Variants in RBBP7 observed in about 807,000 individuals in gnomAD.
RBBP7 encodes histone-binding protein RBBP7.
RBBP7 carries 5 observed loss-of-function variants against 35.2 expected under a neutral mutation model. That is an observed-to-expected ratio of 0.14 (90% confidence interval 0.07 to 0.30). The LOEUF is 0.30. Among genes scored for constraint, RBBP7 ranks in the 10% least tolerant of loss-of-function variants. RBBP7 has a pLI of 1.00. For missense variants in RBBP7, 155 were observed against 327.5 expected (o/e 0.47, Z 4.07); for synonymous variants, 140 against 118.7 (o/e 1.18, Z -1.17).
intron 2 of RBBP7, among the ~76,000 whole-genome samples, chrX:16,868,326 T>C (rs1930676978): frequency 8.9e-6 from 1 of 112,532 alleles, no homozygotes; most frequent in South Asian, 3.6e-4. Context: ...GGCAGTCTAA[T>C]GCAGGGACCA....
At chrX:16,854,333 G>C (rs1168265341) in intron 5 of RBBP7, among the ~76,000 whole-genome samples, 1 of 111,523 alleles carries the variant, frequency 9.0e-6, no homozygotes, top group Non-Finnish European at 1.9e-5. Flanking sequence ...GAGGTGCAGA[G>C]GAAAAGGACA....
chrX:16,849,187 GATCA>G, intron 10 of RBBP7, 53 bp downstream of exon 10: 1 of 1,100,152 alleles, frequency 9.1e-7, no homozygotes, highest in Non-Finnish European at 1.2e-6. Flanking sequence ...GAAATAAAGA[GATCA>G]ATGACAATCC....
intron 2 of RBBP7, among the ~76,000 whole-genome samples, chrX:16,866,158 G>C (rs1320696855): frequency 9.0e-6 from 1 of 111,499 alleles, no homozygotes; most frequent in African/African-American, 3.3e-5. Flanking sequence ...CAATAAGTTA[G>C]TCTCAATATA....
Position 16,854,349 on chromosome X carries a change from C to T in RBBP7, c.598-507G>A, listed in dbSNP as rs190611273. On this transcript the variant is annotated intron_variant, in intron 5 of 11. Coordinates refer to ENST00000380087, the MANE Select transcript of RBBP7 (RefSeq NM_002893.4). ...AGGTGCAGAGGAAAAGGACACTCCA[C>T]TGTAATGAGGGGGAGGGGAGACTGA... 1.1e-3 allele frequency among the ~76,000 whole-genome samples: 124 copies of T among 111,115 alleles called. 1 individual carries two copies. The highest frequency in any genetic ancestry group is 4.1e-3 in the African/African-American group (124 of 30,530).
At chrX:16,864,699 G>A (rs1267075733) in intron 2 of RBBP7, among the ~76,000 whole-genome samples, 3 of 108,861 alleles carry the variant, frequency 2.8e-5, no homozygotes, top group East Asian at 2.9e-4. Flanking sequence ...CCCCACCCCC[G>A]ACCTTTTCTT....
At position 16,869,343 on chromosome X, in the gene RBBP7, G is replaced by A. The variant is rs1314903475; in HGVS notation, c.17-123C>T. On this transcript the variant is annotated intron_variant, in intron 1 of 11. Coordinates refer to ENST00000380087, the MANE Select transcript of RBBP7 (RefSeq NM_002893.4). ...TCCTTTTACCTCTAATTTGGACACG[G>A]ACAACTAACTGCTCTTCCAGAAGGT... 26 of 1,059,204 alleles carry A rather than the reference G, an allele frequency of 2.5e-5. No homozygotes were observed. In the African/African-American group the frequency reaches 3.8e-4, roughly 15 times the overall value. The allele number at this position is 1,059,204 out of a possible 1,213,427, so 87.3% of individuals were successfully genotyped here.
At chrX:16,854,666 A>C (rs1930301611) in intron 5 of RBBP7, among the ~76,000 whole-genome samples, 1 of 110,136 alleles carries the variant, frequency 9.1e-6, no homozygotes, top group Non-Finnish European at 1.9e-5. Flanking sequence ...CTGGGCCAGA[A>C]ACCTCTACTA....
Position 16,858,698 on chromosome X carries a change from A to G in RBBP7, c.459T>C (p.Tyr153=). The change falls in exon 4 of 12, where the codon TAT becomes TAC. Residue 153 remains tyrosine, a synonymous_variant. Coordinates refer to ENST00000380087, the MANE Select transcript of RBBP7 (RefSeq NM_002893.4). ...TACCTGGTTTAGCAGGGTGTTTTGTATAGTCAAAAACCAACACATCAGAAG... is the reference window on the plus strand; with the variant it reads ...TACCTGGTTTAGCAGGGTGTTTTGTGTAGTCAAAAACCAACACATCAGAAG... ...TPSSDVLVFD[Y]TKHPAKPDPS... 5.0e-6 allele frequency: 6 copies of G among 1,211,683 alleles called. No individual in the cohort carries two copies. The highest frequency in any genetic ancestry group is 5.6e-6 in the Non-Finnish European group (5 of 895,396).
intron 9 of RBBP7, 108 bp from the exon 10 acceptor site, chrX:16,849,409 AC>A (rs1294247183): frequency 3.0e-5 from 20 of 668,263 alleles, no homozygotes; most frequent in Non-Finnish European, 3.8e-5. Flanking sequence ...AAACACACTC[AC>A]AAAAACAACT....
At position 16,852,583 on chromosome X, in the gene RBBP7, T is replaced by C. The variant is rs758300926; in HGVS notation, c.931A>G (p.Thr311Ala). 1 of 1,209,483 alleles carries C rather than the reference T, an allele frequency of 8.3e-7. No homozygotes were observed. The highest frequency in any genetic ancestry group is 1.8e-5 in the African/African-American group (1 of 57,023). The change falls in exon 8 of 12, where the codon ACC (threonine) becomes GCC (alanine). Residue 311 changes from threonine (T) to alanine (A), a missense_variant. This residue lies in a region of RBBP7 where 79 missense variants were observed against 220.8 expected (regional missense o/e 0.36). Transcript: ENST00000380087. ...ATTTCATCTTTATGAGATTCGAAGG[T>C]ATGGAGTTTTAATTTTAAGTTACGC... is the stretch of plus-strand genomic sequence containing the variant. ...DLRNLKLKLH[T>A]FESHKDEIFQ... is the part of the protein sequence containing the mutation.
intron 5 of RBBP7, among the ~76,000 whole-genome samples, chrX:16,855,811 A>T (rs1399655775): frequency 9.2e-6 from 1 of 108,647 alleles, no homozygotes; most frequent in African/African-American, 3.4e-5. Context: ...AGTTTGGGCA[A>T]TACGGCAAAA....
intron 1 of RBBP7, chrX:16,869,529 G>C: frequency 8.6e-7 from 1 of 1,166,964 alleles, no homozygotes; most frequent in Non-Finnish European, 1.1e-6. Flanking sequence ...TACAGGGGCT[G>C]CGCGACCCAG....
intron 2 of RBBP7, 109 bp from the exon 3 acceptor site, chrX:16,863,209 T>A: frequency 1.3e-6 from 1 of 765,813 alleles, no homozygotes; most frequent in Non-Finnish European, 1.9e-6. Context: ...AGCAAATATA[T>A]ACTTAGCATC....
At chrX:16,856,445 G>A (rs773611849) in intron 5 of RBBP7, among the ~76,000 whole-genome samples, 4 of 110,432 alleles carry the variant, frequency 3.6e-5, no homozygotes, top group Admixed American at 2.9e-4. Flanking sequence ...CAGGAGAATC[G>A]CTTGGACCTG....
chrX:16,866,554 A>AAAAGAAAG lies in RBBP7; in HGVS notation c.161+2514_161+2521dup, dbSNP rs1236483259. ...AAAAAAAAAAAAAAAAAAAAAAAAA[A>AAAAGAAAG]AAAGAAAGAAAGAAAGCAAGAAAGC... On this transcript the variant is annotated intron_variant, in intron 2 of 11. Transcript: ENST00000380087. Among the ~76,000 whole-genome samples, 248 of 57,389 alleles carry AAAAGAAAG rather than the reference A, an allele frequency of 4.3e-3. 2 individuals carry two copies. Among genetic ancestry groups the AAAAGAAAG allele is most frequent in the African/African-American group, 0.017 (230 of 13,145 alleles). 49.8% of individuals were successfully genotyped at this position (57,389 alleles called of 115,157 possible). A position where few individuals can be genotyped will look rare whatever the true frequency, so the allele number is the denominator to read the frequency against.
At chrX:16,853,224 T>A (rs1930253756) in intron 6 of RBBP7, 1 of 214,824 alleles carries the variant, frequency 4.7e-6, no homozygotes, top group South Asian at 1.3e-4. Context: ...CCTCAGGTAT[T>A]TCTTTATAAG....
At chrX:16,853,550 G>T in intron 6 of RBBP7, 132 bp downstream of exon 6, 2 of 531,540 alleles carry the variant, frequency 3.8e-6, no homozygotes, top group Middle Eastern at 4.2e-4. Flanking sequence ...TGAGATTACA[G>T]GAGTAAGCTA....
chrX:16,854,369 G>A (rs1930294279), intron 5 of RBBP7, among the ~76,000 whole-genome samples: 1 of 110,525 alleles, frequency 9.0e-6, no homozygotes, highest in Admixed American at 9.7e-5. Context: ...GGGGAGGGGA[G>A]ACTGAGTACA....
At chrX:16,856,568 A>AC (rs1930359099) in intron 5 of RBBP7, among the ~76,000 whole-genome samples, 1 of 109,246 alleles carries the variant, frequency 9.2e-6, no homozygotes. Flanking sequence ...AACAACAACA[A>AC]AAACCAACTC....
Sources: gnomAD v4.1 joint callset for allele counts (sites outside exome capture counted in the v4.1 genomes callset) on GRCh38, gnomAD v4.1.1 for gene constraint, gnomAD v4.1.1 regional missense constraint, MANE v1.5 for transcripts, NCBI Gene and HGNC (gene_info 2026-07-23, HGNC 2026-07-21) for gene names.